The following RABGAP1 variants were observed in gnomAD, a reference collection of about 807,000 sequenced individuals.
The protein encoded by RABGAP1 is rab GTPase-activating protein 1.
A neutral mutation model predicts 137.6 loss-of-function variants in RABGAP1; 23 were observed. That is an observed-to-expected ratio of 0.17 (90% CI 0.12 to 0.24). The LOEUF is 0.24. RABGAP1 is among the 10% of genes least tolerant of loss of function. The probability of loss-of-function intolerance (pLI) is 1.00; values close to 1 mark genes in which losing one functional copy is unlikely to be tolerated. For synonymous variants in RABGAP1, 451 were observed against 450.7 expected (o/e 1.00, Z -0.01); for missense variants, 906 against 1,275.8 (o/e 0.71, Z 4.42).
intron 13 of RABGAP1, among the ~76,000 whole-genome samples, chr9:123,045,941 C>T (rs1401628917): frequency 1.3e-5 from 2 of 152,162 alleles, no homozygotes; most frequent in Admixed American, 1.3e-4. Context: ...TATTTCTTTG[C>T]CACACAGAGG....
rs1380216941 is a variant in RABGAP1 at position 123,103,296 on chromosome 9, T to G, written c.*83T>G. ...TGGCCAGATGTGTGATTCTGTGACT[T>G]GTCCCAGGACCAGAATGTACCTAAG... On this transcript the variant is annotated 3_prime_UTR_variant, in exon 26 of 26. Coordinates refer to ENST00000373647, the MANE Select transcript of RABGAP1 (RefSeq NM_012197.4). The G allele has an allele frequency of 1.7e-5, 26 of 1,570,316 alleles. No homozygotes were observed. Among genetic ancestry groups the G allele is most frequent in the Middle Eastern group, 1.9e-4 (1 of 5,170 alleles).
chr9:123,047,510 A>T (rs991037147), intron 13 of RABGAP1, among the ~76,000 whole-genome samples: 1 of 152,174 alleles, frequency 6.6e-6, no homozygotes, highest in Non-Finnish European at 1.5e-5. Flanking sequence ...CTATGTGCTG[A>T]TAAGTTTTAA....
intron 13 of RABGAP1, among the ~76,000 whole-genome samples, chr9:123,049,320 G>T (rs2033357866): frequency 6.6e-6 from 1 of 151,638 alleles, no homozygotes; most frequent in South Asian, 2.1e-4. Context: ...TGTTTTGTGT[G>T]TTTGGAGTAA....
chr9:123,092,575 G>T (rs1330462570), intron 21 of RABGAP1, among the ~76,000 whole-genome samples: 2 of 151,730 alleles, frequency 1.3e-5, no homozygotes, highest in African/African-American at 2.4e-5. Flanking sequence ...TTTTTACAGT[G>T]CCAGCCTGTT....
chr9:122,995,940 A>G, intron 6 of RABGAP1, 101 bp from the exon 7 acceptor site: 1 of 1,474,244 alleles, frequency 6.8e-7, no homozygotes, highest in Non-Finnish European at 8.9e-7. Context: ...CAAACTAGGC[A>G]CAGAAAAGAA....
At chr9:123,077,693 T>TGTATTGTATTG (rs79926856) in intron 19 of RABGAP1, among the ~76,000 whole-genome samples, 53 of 149,210 alleles carry the variant, frequency 3.6e-4, no homozygotes, top group Admixed American at 5.4e-4. Flanking sequence ...TGTATTGTAT[T>TGTATTGTATTG]TATTTTCTGT....
chr9:122,978,137 T>C (rs2131717409), intron 2 of RABGAP1, among the ~76,000 whole-genome samples: 1 of 152,322 alleles, frequency 6.6e-6, no homozygotes, highest in Non-Finnish European at 1.5e-5. Flanking sequence ...GGGAATACTT[T>C]TATTACTCCC....
At chr9:123,059,775 A>T (rs921916327) in intron 13 of RABGAP1, among the ~76,000 whole-genome samples, 4 of 152,094 alleles carry the variant, frequency 2.6e-5, no homozygotes, top group African/African-American at 9.7e-5. Flanking sequence ...CCTTCACCAA[A>T]CACTGAATTT....
intron 13 of RABGAP1, among the ~76,000 whole-genome samples, chr9:123,049,127 G>A (rs1039523619): frequency 6.6e-6 from 1 of 152,150 alleles, no homozygotes; most frequent in Non-Finnish European, 1.5e-5. Flanking sequence ...CTATTTCAAC[G>A]TGTGGTATAG....
At chr9:122,968,220 CTTTTT>C (rs1008036959) in intron 2 of RABGAP1, among the ~76,000 whole-genome samples, 1 of 122,890 alleles carries the variant, frequency 8.1e-6, no homozygotes, top group Non-Finnish European at 1.7e-5. Flanking sequence ...TCAATTCTAC[CTTTTT>C]TTTTTTTTTT....
chr9:123,052,728 G>T (rs556413549), intron 13 of RABGAP1, among the ~76,000 whole-genome samples: 2 of 152,064 alleles, frequency 1.3e-5, no homozygotes, highest in Non-Finnish European at 2.9e-5. Flanking sequence ...CTAGGAGTTC[G>T]AGACCAGCCT....
intron 1 of RABGAP1, among the ~76,000 whole-genome samples, chr9:122,951,924 A>G (rs764151871): frequency 6.6e-6 from 1 of 152,220 alleles, no homozygotes; most frequent in Non-Finnish European, 1.5e-5. Flanking sequence ...GCTGGGGTAC[A>G]TAATTGAGCA....
At chr9:123,095,702 T>C (rs1417637071) in intron 21 of RABGAP1, among the ~76,000 whole-genome samples, 3 of 151,860 alleles carry the variant, frequency 2.0e-5, no homozygotes, top group African/African-American at 7.3e-5. Flanking sequence ...ACCCTGTGTC[T>C]TTGAAGAAAA....
rs768185033 is a variant in RABGAP1, at chr9:122,996,527, C to G, written c.1035-12C>G. 1 of 1,594,482 alleles carries G rather than the reference C, an allele frequency of 6.3e-7. No homozygotes were observed. The highest frequency in any genetic ancestry group is 8.5e-7 in the Non-Finnish European group (1 of 1,172,056). ...CTTTTTTCTTAAATTTATGTCAGTT[C>G]TTTTTTTGTAGGTGTTTTGGTCTTC... On this transcript the variant is annotated splice_polypyrimidine_tract_variant and intron_variant, in intron 7 of 25. Transcript: ENST00000373647.
At chr9:123,101,389 A>G (rs2035339801) in intron 24 of RABGAP1, among the ~76,000 whole-genome samples, 177 bp from the exon 25 acceptor site, 1 of 152,134 alleles carries the variant, frequency 6.6e-6, no homozygotes, top group South Asian at 2.1e-4. Flanking sequence ...TTTGGTGTAT[A>G]ATACCAAGTG....
At chr9:123,020,246 G>A in intron 12 of RABGAP1, 63 bp from the exon 13 acceptor site, 1 of 1,315,736 alleles carries the variant, frequency 7.6e-7, no homozygotes, top group Admixed American at 2.7e-5. Context: ...TTTGATAAAA[G>A]TAACATTCTT....
chr9:123,023,865 TATA>T (rs1351496135), intron 13 of RABGAP1, among the ~76,000 whole-genome samples: 2 of 152,160 alleles, frequency 1.3e-5, no homozygotes, highest in African/African-American at 4.8e-5. Flanking sequence ...AAATTTTACA[TATA>T]ATATTACTTT....
chr9:122,994,159 T>TAA (rs1362268538), intron 6 of RABGAP1, among the ~76,000 whole-genome samples: 2 of 152,190 alleles, frequency 1.3e-5, no homozygotes, highest in Admixed American at 6.5e-5. Flanking sequence ...CCTACTTGGA[T>TAA]ACATTCACAT....
intron 22 of RABGAP1, 23 bp from the exon 23 acceptor site, chr9:123,098,679 GTTAACATAGTCCC>G (rs745314771): frequency 6.3e-7 from 1 of 1,582,854 alleles, no homozygotes; most frequent in South Asian, 1.1e-5. Context: ...TTATTTTTCT[GTTAACATAGTCCC>G]TTTTGTTTTT....
Sources: gnomAD v4.1 joint callset for allele counts (sites outside exome capture counted in the v4.1 genomes callset) on GRCh38, gnomAD v4.1.1 for gene constraint, MANE v1.5 for transcripts, NCBI Gene and HGNC (gene_info 2026-07-23, HGNC 2026-07-21) for gene names.